Variants in APPL2 observed in about 807,000 individuals in gnomAD.
APPL2 encodes DCC-interacting protein 13-beta.
APPL2 carries 84 observed loss-of-function variants against 92.7 expected under a neutral mutation model. The observed-to-expected ratio is 0.91, with a 90% CI of 0.76 to 1.09. APPL2 has a LOEUF of 1.09. Ranked by LOEUF, APPL2 falls within the 50% of genes least tolerant of loss-of-function variation. APPL2 has a pLI of 0.00. For missense variants in APPL2, 736 were observed against 824.5 expected, an observed-to-expected ratio of 0.89 and a Z score of 1.31; for synonymous variants, 291 against 291.0, an observed-to-expected ratio of 1.00 and a Z score of 0.00.
rs754839599 is a variant in APPL2, at chr12:105,207,461, T to C, written c.475-254A>G. Among the ~76,000 whole-genome samples the C allele has an allele frequency of 5.6e-4, 85 of 152,314 alleles. 1 individual carries two copies. The highest frequency in any genetic ancestry group is 4.1e-4 in the Non-Finnish European group (28 of 68,032). The stretch of plus-strand genomic sequence containing the variant: ...CTGGGAGCAGTGCAAAGTCCTACAG[T>C]CCTTCAGGATAACAATATGGCAGCA... On this transcript the variant is annotated intron_variant, in intron 7 of 20. Coordinates refer to ENST00000258530, the MANE Select transcript of APPL2 (RefSeq NM_018171.5).
intron 10 of APPL2, among the ~76,000 whole-genome samples, chr12:105,198,418 C>G (rs185399145): frequency 8.8e-4 from 134 of 152,288 alleles, no homozygotes; most frequent in African/African-American, 3.1e-3. Flanking sequence ...GTTTTGTGGG[C>G]AGCTTACAAA....
intron 2 of APPL2, among the ~76,000 whole-genome samples, chr12:105,220,635 C>T (rs1890027592): frequency 6.6e-6 from 1 of 152,164 alleles, no homozygotes; most frequent in Non-Finnish European, 1.5e-5. Flanking sequence ...ATATAACCAC[C>T]CTCCAGGCCT....
intron 17 of APPL2, among the ~76,000 whole-genome samples, chr12:105,178,249 T>C (rs1207142936): frequency 1.3e-5 from 2 of 152,208 alleles, no homozygotes; most frequent in Non-Finnish European, 2.9e-5. Flanking sequence ...TAACATGCTA[T>C]TATGTAAATT....
At position 105,197,748 on chromosome 12, in the gene APPL2, A is replaced by C. The variant is rs764575396; in HGVS notation, c.1052+17T>G. 3.7e-6 allele frequency: 6 copies of C among 1,613,970 alleles called. No homozygotes were observed. Among genetic ancestry groups the C allele is most frequent in the Middle Eastern group, 1.7e-4 (1 of 6,044 alleles). ...ACTATACTCATTCTCCTCCCAAATA[A>C]AACGCGTGAAACATACGATTTTCCA... On this transcript the variant is annotated intron_variant, in intron 11 of 20. Transcript: ENST00000258530.
intron 7 of APPL2, 33 bp from the exon 8 acceptor site, chr12:105,207,240 G>C: frequency 6.2e-7 from 1 of 1,601,424 alleles, no homozygotes; most frequent in Non-Finnish European, 8.5e-7. Context: ...ACTTCAAGTT[G>C]TCTACTGTAC....
In APPL2 at chr12:105,186,483, T is replaced by C. The variant is rs573892392; in HGVS notation, c.1634+1790A>G. Among the ~76,000 whole-genome samples the C allele has an allele frequency of 9.2e-5, 14 of 152,134 alleles. No individual in the cohort carries two copies. The East Asian group carries it at 2.5e-3, about 27-fold the overall frequency. On this transcript the variant is annotated intron_variant, in intron 17 of 20. Transcript: ENST00000258530. ...TTGTTTGAACACCTGTATTTAATTC[T>C]TTTGGGTAACTACCCAGGAGCCCGC...
intron 2 of APPL2, among the ~76,000 whole-genome samples, chr12:105,221,381 T>C (rs907768031): frequency 1.3e-5 from 2 of 152,234 alleles, no homozygotes; most frequent in Middle Eastern, 3.2e-3. Context: ...TTATTTCCAT[T>C]TTGTAAACGT....
chr12:105,205,952 C>T (rs11112410), intron 8 of APPL2, among the ~76,000 whole-genome samples: 19,924 of 152,202 alleles, frequency 0.13, 1,507 homozygotes, highest in African/African-American at 0.22. Flanking sequence ...AAGACTTTAT[C>T]GCTCTATTTA....
chr12:105,197,190 C>T (rs1592784013), intron 11 of APPL2, among the ~76,000 whole-genome samples: 1 of 152,140 alleles, frequency 6.6e-6, no homozygotes, highest in Non-Finnish European at 1.5e-5. Context: ...GAGAGGGGAT[C>T]CCACTGGGAT....
intron 11 of APPL2, among the ~76,000 whole-genome samples, chr12:105,197,030 T>G (rs1017043219): frequency 6.6e-6 from 1 of 152,004 alleles, no homozygotes; most frequent in Non-Finnish European, 1.5e-5. Flanking sequence ...GGTCAAATCT[T>G]AATAGAATGC....
intron 8 of APPL2, 64 bp downstream of exon 8, chr12:105,206,997 G>T: frequency 1.3e-6 from 2 of 1,561,998 alleles, no homozygotes; most frequent in Non-Finnish European, 1.7e-6. Flanking sequence ...TGTCTCCTGC[G>T]TGCCCTCTCA....
chr12:105,217,212 G>C, intron 3 of APPL2, 72 bp from the exon 4 acceptor site: 1 of 988,294 alleles, frequency 1.0e-6, no homozygotes, highest in Non-Finnish European at 1.6e-6. Flanking sequence ...ATCACCTGCA[G>C]AACACGACCC....
In APPL2 at chr12:105,173,933, T is replaced by C. The variant is rs1272443535; in HGVS notation, c.*381A>G. On this transcript the variant is annotated 3_prime_UTR_variant, in exon 21 of 21. Transcript: ENST00000258530. ...ATAGATTATATTAATAAGAAATATT[T>C]AGTGTTCATCAAATTGTAAATCTAG... 1 of 155,494 alleles carries C rather than the reference T, an allele frequency of 6.4e-6. No homozygotes were observed. The highest frequency in any genetic ancestry group is 2.4e-5 in the African/African-American group (1 of 41,562). The allele number at this position is 155,494 out of a possible 1,614,324, so 9.6% of individuals were successfully genotyped here. A position where few individuals can be genotyped will look rare whatever the true frequency, so the allele number is the denominator to read the frequency against.
intron 17 of APPL2, among the ~76,000 whole-genome samples, chr12:105,179,034 G>C (rs952946254): frequency 1.3e-5 from 2 of 152,036 alleles, no homozygotes. Context: ...TGTGCAGAAC[G>C]TGCAGGTTTG....
chr12:105,202,457 A>G (rs2135987688), intron 9 of APPL2, among the ~76,000 whole-genome samples: 1 of 152,310 alleles, frequency 6.6e-6, no homozygotes, highest in South Asian at 2.1e-4. Context: ...GAAAATAATC[A>G]GGTGTGTGAA....
chr12:105,231,612 G>A (rs1009145420), intron 1 of APPL2, among the ~76,000 whole-genome samples: 1 of 152,230 alleles, frequency 6.6e-6, no homozygotes, highest in Non-Finnish European at 1.5e-5. Flanking sequence ...TCATCAGCGA[G>A]CATGATCTTT....
intron 2 of APPL2, among the ~76,000 whole-genome samples, chr12:105,219,755 C>T (rs1365982216): frequency 6.6e-6 from 1 of 152,216 alleles, no homozygotes; most frequent in Non-Finnish European, 1.5e-5. Context: ...GATCAGAGTG[C>T]ATGGAAACAA....
At position 105,199,550 on chromosome 12, in the gene APPL2, G is replaced by A. The variant is rs1887965201; in HGVS notation, c.705-19C>T. ...CTGAATGCTTAAGACAGAAGGTGTTGGGTCAGTTACTCACTGCTGGCCAAC... is the reference window on the plus strand; with the variant it reads ...CTGAATGCTTAAGACAGAAGGTGTTAGGTCAGTTACTCACTGCTGGCCAAC... On this transcript the variant is annotated intron_variant, in intron 9 of 20. Coordinates refer to ENST00000258530, the MANE Select transcript of APPL2 (RefSeq NM_018171.5). 6.2e-7 allele frequency: 1 copy of A among 1,610,450 alleles called. No homozygotes were observed. The highest frequency in any genetic ancestry group is 8.5e-7 in the Non-Finnish European group (1 of 1,178,092).
chr12:105,179,435 T>A (rs1033828385), intron 17 of APPL2, among the ~76,000 whole-genome samples: 1 of 152,214 alleles, frequency 6.6e-6, no homozygotes, highest in African/African-American at 2.4e-5. Context: ...TGAATAGTGG[T>A]GCAATACACA....
Sources: allele counts gnomAD v4.1 joint callset (sites outside exome capture counted in the v4.1 genomes callset), GRCh38; gene constraint gnomAD v4.1.1; transcripts MANE v1.5; gene names NCBI Gene and HGNC (gene_info 2026-07-23, HGNC 2026-07-21).